PPP1R42: variants seen among roughly 807,000 people sequenced by gnomAD.
PPP1R42 encodes protein phosphatase 1 regulatory subunit 42, also known as leucine rich repeat containing 67.
Under a neutral mutation model 31.0 loss-of-function variants are expected in PPP1R42, and 34 were observed. The ratio of observed to expected loss-of-function variants is 1.10; its 90% confidence interval spans 0.83 to 1.46. The LOEUF (loss-of-function observed/expected upper bound fraction) is 1.46. Among genes scored for constraint, PPP1R42 ranks in the 40% most tolerant of loss-of-function variants. PPP1R42 has a pLI of 0.00. For missense variants in PPP1R42, 268 were observed against 303.0 expected, an observed-to-expected ratio of 0.88 and a Z score of 0.86; for synonymous variants, 103 against 109.8, an observed-to-expected ratio of 0.94 and a Z score of 0.39.
At chr8:66,967,611 G>GA (rs1453048504) in intron 7 of PPP1R42, among the ~76,000 whole-genome samples, 3 of 149,058 alleles carry the variant, frequency 2.0e-5, no homozygotes, top group African/African-American at 7.8e-5. Context: ...ACTGTTATTC[G>GA]AGTTCACTTT....
At chr8:67,004,916 T>C (rs1815626931) in intron 5 of PPP1R42, among the ~76,000 whole-genome samples, 1 of 152,118 alleles carries the variant, frequency 6.6e-6, no homozygotes, top group African/African-American at 2.4e-5. Context: ...CTCTTAAATA[T>C]CAGGATTGGG....
At chr8:66,974,308 A>C (rs1304797649) in intron 7 of PPP1R42, among the ~76,000 whole-genome samples, 2 of 152,274 alleles carry the variant, frequency 1.3e-5, no homozygotes, top group Admixed American at 6.5e-5. Flanking sequence ...TAATACCAGC[A>C]GTTTGGGGGG....
chr8:66,973,284 T>A (rs1335825057), intron 7 of PPP1R42, among the ~76,000 whole-genome samples: 1 of 151,980 alleles, frequency 6.6e-6, no homozygotes, highest in African/African-American at 2.4e-5. Flanking sequence ...CCTCCTTTTT[T>A]TTTTTGGTTT....
intron 7 of PPP1R42, among the ~76,000 whole-genome samples, chr8:66,974,565 A>G (rs1814619802): frequency 6.6e-6 from 1 of 152,164 alleles, no homozygotes; most frequent in Admixed American, 6.6e-5. Flanking sequence ...GGAAAAAAAA[A>G]TAAAAGCCAT....
At chr8:67,019,658 C>T (rs911624748) in intron 1 of PPP1R42, among the ~76,000 whole-genome samples, 1 of 151,614 alleles carries the variant, frequency 6.6e-6, no homozygotes, top group Non-Finnish European at 1.5e-5. Flanking sequence ...TTTGGGAAGC[C>T]GAGGCGGGCG....
intron 7 of PPP1R42, among the ~76,000 whole-genome samples, chr8:66,980,300 C>T (rs918368750): frequency 6.6e-6 from 1 of 151,992 alleles, no homozygotes; most frequent in Non-Finnish European, 1.5e-5. Flanking sequence ...CAATCATGCT[C>T]ACTACAGCCT....
chr8:66,984,008 T>A, intron 6 of PPP1R42: 2 of 970,572 alleles, frequency 2.1e-6, no homozygotes, highest in Non-Finnish European at 1.6e-6. Flanking sequence ...ATATTCTCCC[T>A]TTGTCCCAAT....
intron 6 of PPP1R42, among the ~76,000 whole-genome samples, chr8:66,983,055 G>A (rs530327871): frequency 6.6e-6 from 1 of 151,852 alleles, no homozygotes; most frequent in South Asian, 2.1e-4. Flanking sequence ...GGATTACAGA[G>A]GTGTGATAGA....
At chr8:66,983,452 GT>G (rs1382251944) in intron 6 of PPP1R42, among the ~76,000 whole-genome samples, 4 of 151,894 alleles carry the variant, frequency 2.6e-5, no homozygotes, top group Admixed American at 1.3e-4. Flanking sequence ...TAGAAGGATG[GT>G]TTTTTTCTTC....
At chr8:66,965,117 A>C in intron 7 of PPP1R42, among the ~76,000 whole-genome samples, 1 of 152,108 alleles carries the variant, frequency 6.6e-6, no homozygotes, top group East Asian at 1.9e-4. Context: ...TCACTAGTTC[A>C]TTCCTTTGTA....
intron 6 of PPP1R42, 142 bp from the exon 7 acceptor site, chr8:66,982,322 C>T (rs1814865516): frequency 2.4e-6 from 1 of 414,982 alleles, no homozygotes; most frequent in Non-Finnish European, 4.2e-6. Context: ...ATTAATTATA[C>T]AACGCATGTA....
chr8:67,017,060 A>G (rs910621231), intron 2 of PPP1R42, among the ~76,000 whole-genome samples: 1 of 152,234 alleles, frequency 6.6e-6, no homozygotes, highest in South Asian at 2.1e-4. Flanking sequence ...TGTAATACAT[A>G]TATTTAATCT....
At chr8:67,009,291 G>C (rs1461012974) in intron 5 of PPP1R42, among the ~76,000 whole-genome samples, 2 of 151,576 alleles carry the variant, frequency 1.3e-5, no homozygotes, top group African/African-American at 4.9e-5. Context: ...TAAAGGGCCG[G>C]GTCCGGTGGC....
At chr8:66,983,855 A>G (rs1057197382) in intron 6 of PPP1R42, among the ~76,000 whole-genome samples, 3 of 152,180 alleles carry the variant, frequency 2.0e-5, no homozygotes, top group Non-Finnish European at 4.4e-5. Flanking sequence ...TCTCCAAACC[A>G]TAAGAAATTG....
chr8:66,995,209 A>G (rs1473889421), intron 5 of PPP1R42, among the ~76,000 whole-genome samples: 1 of 152,230 alleles, frequency 6.6e-6, no homozygotes, highest in East Asian at 1.9e-4. Flanking sequence ...CATAACAGAA[A>G]AACGAGTTAA....
chr8:66,981,784 C>A (rs1268672746), intron 7 of PPP1R42, among the ~76,000 whole-genome samples: 4 of 152,172 alleles, frequency 2.6e-5, no homozygotes, highest in Non-Finnish European at 5.9e-5. Flanking sequence ...CATTTTTCCC[C>A]ACCCTTGTGG....
intron 7 of PPP1R42, among the ~76,000 whole-genome samples, chr8:66,978,714 G>A (rs1814744954): frequency 6.6e-6 from 1 of 152,128 alleles, no homozygotes; most frequent in Non-Finnish European, 1.5e-5. Flanking sequence ...CACTGTGCCT[G>A]GCTACCTGTT....
intron 6 of PPP1R42, chr8:66,984,233 A>ATTTCCCCCAGTATGGTG: frequency 1.3e-6 from 2 of 1,501,820 alleles, no homozygotes; most frequent in Non-Finnish European, 1.9e-6. Flanking sequence ...TCTATAGGAC[A>ATTTCCCCCAGTATGGTG]CTGTTTAAAC....
At chr8:67,015,580 G>T (rs1815990725) in intron 2 of PPP1R42, among the ~76,000 whole-genome samples, 1 of 149,652 alleles carries the variant, frequency 6.7e-6, no homozygotes, top group African/African-American at 2.4e-5. Flanking sequence ...TATATTATAT[G>T]AAAAAGAACA....
Sources: allele counts gnomAD v4.1 joint callset (sites outside exome capture counted in the v4.1 genomes callset), GRCh38; gene constraint gnomAD v4.1.1; transcripts MANE v1.5; gene names NCBI Gene and HGNC (gene_info 2026-07-23, HGNC 2026-07-21).